Variants in CSMD3 observed in about 807,000 individuals in gnomAD.
The protein encoded by CSMD3 is CUB and sushi domain-containing protein 3.
In CSMD3, 177 loss-of-function variants were observed where a neutral mutation model predicts 435.2. The ratio of observed to expected loss-of-function variants is 0.41; its 90% CI spans 0.36 to 0.46. The LOEUF (loss-of-function observed/expected upper bound fraction) is 0.46. Among genes scored for constraint, CSMD3 ranks in the 20% least tolerant of loss-of-function variants. The probability of loss-of-function intolerance (pLI) is 0.34; values close to 1 mark genes in which losing one functional copy is unlikely to be tolerated. For missense variants in CSMD3, 4,265 were observed against 4,504.6 expected (o/e 0.95, Z 1.52); for synonymous variants, 1,656 against 1,520.5 (o/e 1.09, Z -2.07).
chr8:112,988,889 AATC>A (rs1341285405), intron 6 of CSMD3, among the ~76,000 whole-genome samples: 1 of 152,184 alleles, frequency 6.6e-6, no homozygotes, highest in Non-Finnish European at 1.5e-5. Flanking sequence ...CATATATAAT[AATC>A]ATAACAACCG....
chr8:112,598,490 A>C (rs943536294), intron 22 of CSMD3, among the ~76,000 whole-genome samples: 3 of 148,536 alleles, frequency 2.0e-5, no homozygotes, highest in Admixed American at 6.7e-5. Flanking sequence ...GCTACCAATG[A>C]CTTTCTTCAC....
At chr8:113,052,499 G>T (rs1427109090) in intron 5 of CSMD3, among the ~76,000 whole-genome samples, 3 of 152,228 alleles carry the variant, frequency 2.0e-5, no homozygotes, top group Admixed American at 6.5e-5. Context: ...TAGTCCAAGT[G>T]TGGTGGCTCA....
chr8:112,394,432 AT>A (rs1232608135), intron 35 of CSMD3, among the ~76,000 whole-genome samples: 1 of 152,132 alleles, frequency 6.6e-6, no homozygotes, highest in Non-Finnish European at 1.5e-5. Flanking sequence ...CCCCAGCTCA[AT>A]ATATTCCCAT....
In CSMD3 at chr8:113,239,516, A is replaced by ATCTATCTATCTG. The variant is rs1201751064; in HGVS notation, c.514+39075_514+39076insCAGATAGATAGA. Reference sequence around the variant, plus strand: ...TGTAGTTTTATCTATCTATCTATCTATCTATCTATCTATCTATCATCTATC... The same window carrying ATCTATCTATCTG: ...TGTAGTTTTATCTATCTATCTATCTATCTATCTATCTGTCTATCTATCTATCTATCATCTATC... On this transcript the variant is annotated intron_variant, in intron 3 of 70. Transcript: ENST00000297405. 5.9e-5 allele frequency among the ~76,000 whole-genome samples: 9 copies of ATCTATCTATCTG among 151,852 alleles called. No homozygotes were observed. The South Asian group carries it at 1.9e-3, about 32-fold the overall frequency.
intron 65 of CSMD3, among the ~76,000 whole-genome samples, chr8:112,244,082 C>CTAT (rs1814448648): frequency 6.6e-6 from 1 of 152,022 alleles, no homozygotes; most frequent in Non-Finnish European, 1.5e-5. Flanking sequence ...GAATAAATTC[C>CTAT]TATTATGTTA....
chr8:113,170,482 T>C (rs1050437842), intron 4 of CSMD3, among the ~76,000 whole-genome samples: 2 of 152,166 alleles, frequency 1.3e-5, no homozygotes, highest in Non-Finnish European at 2.9e-5. Context: ...TCTTGCTCTA[T>C]ATAGTTTGTA....
intron 13 of CSMD3, among the ~76,000 whole-genome samples, chr8:112,761,739 T>TATC (rs1159637433): frequency 6.6e-6 from 1 of 152,086 alleles, no homozygotes; most frequent in African/African-American, 2.4e-5. Context: ...TTTATTTACT[T>TATC]ATCATTTGTG....
chr8:112,576,704 T>C lies in CSMD3; in HGVS notation c.3886-3047A>G, dbSNP rs909263571. Among the ~76,000 whole-genome samples the C allele has an allele frequency of 6.2e-5, 8 of 129,156 alleles. No individual in the cohort carries two copies. The South Asian group carries it at 1.8e-3, about 28-fold the overall frequency. 84.7% of individuals were successfully genotyped at this position (129,156 alleles called of 152,430 possible). On this transcript the variant is annotated intron_variant, in intron 23 of 70. Coordinates refer to ENST00000297405, the MANE Select transcript of CSMD3 (RefSeq NM_198123.2). ...CCCCACCAAGCCTGGCTAATTTTTG[T>C]ATTTTTTATACAAATGGGTTTTGCC...
intron 5 of CSMD3, among the ~76,000 whole-genome samples, chr8:113,020,169 CAAAAAAAAAAAA>C (rs1163891165): frequency 1.2e-5 from 1 of 84,636 alleles, no homozygotes; most frequent in African/African-American, 4.5e-5. Flanking sequence ...GACTCCGTCT[CAAAAAAAAAAAA>C]AAAAAAAAAA....
In CSMD3 at chr8:112,337,606, A is replaced by T. The variant is rs2130965535; in HGVS notation, c.6778T>A (p.Ser2260Thr). The T allele has an allele frequency of 6.2e-7, 1 of 1,613,884 alleles. No individual in the cohort carries two copies. Among genetic ancestry groups the T allele is most frequent in the Non-Finnish European group, 8.5e-7 (1 of 1,179,784 alleles). ...CFPGYTLIGNSALTCLHGVSR... is the reference protein window; with the variant it reads ...CFPGYTLIGNTALTCLHGVSR... ...ACTCCGTGAAGGCATGTGAGAGCTGAATTTCCAATTAATGTGTATCCTGGG... is the reference window on the plus strand; with the variant it reads ...ACTCCGTGAAGGCATGTGAGAGCTGTATTTCCAATTAATGTGTATCCTGGG... The change falls in exon 43 of 71, where the codon TCA becomes ACA. Residue 2260 changes from serine (S) to threonine (T), a missense_variant. Physicochemically the swap from Ser to Thr is moderately conservative, Grantham distance 58. This residue lies in a region of CSMD3 where 3,255 missense variants were observed against 3,380.2 expected (regional missense o/e 0.96). Transcript: ENST00000297405.
At chr8:113,217,057 T>G (rs899745171) in intron 3 of CSMD3, among the ~76,000 whole-genome samples, 1 of 151,790 alleles carries the variant, frequency 6.6e-6, no homozygotes, top group Non-Finnish European at 1.5e-5. Context: ...CACCGATTCT[T>G]TTAGGAAATT....
rs147845813 is a variant in CSMD3 at position 112,482,365 on chromosome 8, C to T, written c.5279-9658G>A. 9.9e-5 allele frequency among the ~76,000 whole-genome samples: 15 copies of T among 152,262 alleles called. No homozygotes were observed. The East Asian group carries it at 2.9e-3, about 29-fold the overall frequency. ...ATACTATGTGACTCATTTTGTACCC[C>T]AATTAAAAAATTGGGATATAATTTA... On this transcript the variant is annotated intron_variant, in intron 31 of 70. Coordinates refer to ENST00000297405, the MANE Select transcript of CSMD3 (RefSeq NM_198123.2).
intron 22 of CSMD3, among the ~76,000 whole-genome samples, chr8:112,592,802 T>A (rs559062131): frequency 2.0e-5 from 3 of 152,244 alleles, no homozygotes; most frequent in African/African-American, 7.2e-5. Flanking sequence ...ATATGCCTGA[T>A]ACCGTATTAG....
chr8:112,918,690 A>G (rs1288800314), intron 10 of CSMD3, among the ~76,000 whole-genome samples: 1 of 151,912 alleles, frequency 6.6e-6, no homozygotes, highest in Non-Finnish European at 1.5e-5. Flanking sequence ...TAACCCATCT[A>G]TGGAATAAGA....
At chr8:112,261,328 T>C (rs1816378201) in intron 61 of CSMD3, among the ~76,000 whole-genome samples, 1 of 152,136 alleles carries the variant, frequency 6.6e-6, no homozygotes, top group Non-Finnish European at 1.5e-5. Flanking sequence ...TTGCATTAAA[T>C]TATAAAATGA....
chr8:112,343,021 A>ATATATATATTTATATATATATATATATT (rs1563815829), intron 41 of CSMD3, among the ~76,000 whole-genome samples: 8 of 133,926 alleles, frequency 6.0e-5, no homozygotes, highest in Non-Finnish European at 3.2e-5. Flanking sequence ...ATATATTTAT[A>ATATATATATTTATATATATATATATATT]TATATATATA....
intron 50 of CSMD3, among the ~76,000 whole-genome samples, chr8:112,306,935 T>G (rs2130792917): frequency 6.6e-6 from 1 of 152,248 alleles, no homozygotes; most frequent in East Asian, 1.9e-4. Context: ...TGTATATATT[T>G]TATACTTTAC....
intron 13 of CSMD3, among the ~76,000 whole-genome samples, chr8:112,698,231 A>T (rs2076302991): frequency 6.6e-6 from 1 of 152,196 alleles, no homozygotes; most frequent in Admixed American, 6.5e-5. Flanking sequence ...CAAATGTAGA[A>T]ACAGAAAAGA....
At chr8:112,329,275 C>A (rs1823807821) in intron 45 of CSMD3, among the ~76,000 whole-genome samples, 1 of 152,034 alleles carries the variant, frequency 6.6e-6, no homozygotes, top group South Asian at 2.1e-4. Flanking sequence ...ATTCTTTGAC[C>A]TTGTTGAAAC....
Sources: allele counts gnomAD v4.1 joint callset (sites outside exome capture counted in the v4.1 genomes callset), GRCh38; gene constraint gnomAD v4.1.1; regional missense constraint gnomAD v4.1.1; transcripts MANE v1.5; gene names NCBI Gene and HGNC (gene_info 2026-07-23, HGNC 2026-07-21).